Variants in FGL1 observed in about 807,000 individuals in gnomAD.
The protein encoded by FGL1 is fibrinogen-like protein 1.
Under a neutral mutation model 43.7 loss-of-function variants are expected in FGL1, and 59 were observed. The observed-to-expected ratio is 1.35, with a 90% CI of 1.10 to 1.68. The LOEUF is 1.68. FGL1 is among the 40% of genes most tolerant of loss of function. FGL1 has a pLI of 0.00. For missense variants in FGL1, 596 were observed against 373.0 expected (o/e 1.60, Z -4.92); for synonymous variants, 192 against 126.5 (o/e 1.52, Z -3.48).
At chr8:17,879,404 T>A (rs1324361080) in intron 3 of FGL1, among the ~76,000 whole-genome samples, 1 of 152,038 alleles carries the variant, frequency 6.6e-6, no homozygotes, top group African/African-American at 2.4e-5. Flanking sequence ...TGGATGTGTG[T>A]CCCCACCAAA....
intron 3 of FGL1, among the ~76,000 whole-genome samples, chr8:17,875,327 A>G (rs2085429444): frequency 6.6e-6 from 1 of 152,100 alleles, no homozygotes; most frequent in South Asian, 2.1e-4. Context: ...TTACTAACCC[A>G]CTGAAGTTTC....
chr8:17,895,035 C>A (rs1255405951), intron 1 of FGL1, among the ~76,000 whole-genome samples: 2 of 151,482 alleles, frequency 1.3e-5, no homozygotes, highest in South Asian at 2.1e-4. Context: ...ATCTCATTAC[C>A]ATTAAGATAA....
intron 5 of FGL1, among the ~76,000 whole-genome samples, chr8:17,870,676 G>C (rs35978984): frequency 2.0e-5 from 3 of 152,144 alleles, no homozygotes; most frequent in Non-Finnish European, 2.9e-5. Context: ...TCACACCCAA[G>C]TTGGGTGGAT....
chr8:17,873,388 G>C (rs1307462805), intron 5 of FGL1, among the ~76,000 whole-genome samples: 1 of 152,086 alleles, frequency 6.6e-6, no homozygotes, highest in African/African-American at 2.4e-5. Context: ...TCCCAGAGCA[G>C]CAACTTCAGT....
At position 17,882,276 on chromosome 8, in the gene FGL1, T is replaced by G; in HGVS notation, c.64-97A>C. On this transcript the variant is annotated intron_variant, in intron 2 of 7. Transcript: ENST00000427924. ...GATAAATCAGTGATTCCATTTTGTC[T>G]CCAGTTCCCATTTCAGAATATTATT... The G allele has an allele frequency of 2.7e-6, 3 of 1,122,022 alleles. No individual in the cohort carries two copies. In the East Asian group the frequency reaches 7.7e-5, roughly 29 times the overall value. 69.5% of individuals were successfully genotyped at this position (1,122,022 alleles called of 1,614,324 possible).
At chr8:17,875,360 T>A (rs1228822622) in intron 3 of FGL1, among the ~76,000 whole-genome samples, 2 of 152,214 alleles carry the variant, frequency 1.3e-5, no homozygotes, top group African/African-American at 4.8e-5. Context: ...CATTCTTAGA[T>A]GTTTTTGCTA....
At position 17,895,208 on chromosome 8, in the gene FGL1, T is replaced by C. The variant is rs1287565037; in HGVS notation, c.-18+239A>G. The C allele has an allele frequency of 6.0e-6, 5 of 827,588 alleles. No individual in the cohort carries two copies. In the African/African-American group the frequency reaches 7.4e-5, roughly 12 times the overall value. 51.3% of individuals were successfully genotyped at this position (827,588 alleles called of 1,614,324 possible). ...CTCTAAAATTTTCCATTTTCCTCATTTGTAATTCTAACATACCTTATTTGT... is the reference window on the plus strand; with the variant it reads ...CTCTAAAATTTTCCATTTTCCTCATCTGTAATTCTAACATACCTTATTTGT... On this transcript the variant is annotated intron_variant, in intron 1 of 7. Transcript: ENST00000427924.
At chr8:17,882,267 C>T (rs1489604506) in intron 2 of FGL1, 88 bp from the exon 3 acceptor site, 3 of 1,235,012 alleles carry the variant, frequency 2.4e-6, no homozygotes, top group Non-Finnish European at 3.3e-6. Context: ...TCAGTGATTC[C>T]ATTTTGTCTC....
intron 3 of FGL1, among the ~76,000 whole-genome samples, chr8:17,875,779 G>A (rs534036189): frequency 3.3e-4 from 50 of 152,028 alleles, no homozygotes; most frequent in African/African-American, 1.1e-3. Flanking sequence ...TAATTTTTTT[G>A]TATTTTTAGT....
chr8:17,868,611 C>T lies in FGL1; in HGVS notation c.716G>A (p.Arg239Lys). Residue 239 changes from arginine to lysine, a missense_variant, in exon 7 of 8, where the codon AGA (arginine) becomes AAA (lysine). Physicochemically the swap from Arg to Lys is conservative, Grantham distance 26. Transcript: ENST00000427924. ...HQRMKFSTWDRDHDNYEGNCA... is the reference protein window; with the variant it reads ...HQRMKFSTWDKDHDNYEGNCA... ...GTTCCCTTCATAGTTGTCATGATCT[C>T]TGTCCCACGTGCTGAATTTCATTCT... The T allele has an allele frequency of 6.2e-7, 1 of 1,614,148 alleles. No homozygotes were observed. The highest frequency in any genetic ancestry group is 8.5e-7 in the Non-Finnish European group (1 of 1,180,002).
intron 1 of FGL1, among the ~76,000 whole-genome samples, chr8:17,892,883 A>G (rs1333403030): frequency 1.3e-5 from 2 of 152,282 alleles, no homozygotes; most frequent in South Asian, 2.1e-4. Flanking sequence ...ACTTTATTTC[A>G]GAAGTGAATA....
intron 3 of FGL1, among the ~76,000 whole-genome samples, chr8:17,876,403 G>A (rs1425803980): frequency 1.3e-5 from 2 of 152,066 alleles, no homozygotes; most frequent in Non-Finnish European, 2.9e-5. Flanking sequence ...GCCTTCACAT[G>A]GTTGGGACCA....
intron 1 of FGL1, among the ~76,000 whole-genome samples, chr8:17,887,018 T>C (rs377411009): frequency 7.6e-4 from 116 of 152,224 alleles, no homozygotes; most frequent in African/African-American, 2.7e-3. Context: ...TTTCAGAATA[T>C]GGAAGATTTA....
chr8:17,879,898 C>T (rs2053509320), intron 3 of FGL1, among the ~76,000 whole-genome samples: 1 of 152,106 alleles, frequency 6.6e-6, no homozygotes, highest in Non-Finnish European at 1.5e-5. Context: ...GTGCCAATAA[C>T]CTGCTCAGAA....
chr8:17,869,055 GGACTACTGCGGT>G, intron 5 of FGL1, 51 bp from the exon 6 acceptor site: 1 of 1,070,794 alleles, frequency 9.3e-7, no homozygotes, highest in Non-Finnish European at 1.4e-6. Flanking sequence ...GACATGACAC[GGACTACTGCGGT>G]TTAAAAATAA....
intron 4 of FGL1, 37 bp downstream of exon 4, chr8:17,874,325 C>A (rs759329624): frequency 6.3e-7 from 1 of 1,584,114 alleles, no homozygotes; most frequent in Middle Eastern, 1.7e-4. Context: ...CTCACATTTG[C>A]TGCTACATAT....
chr8:17,885,741 G>C, intron 1 of FGL1, 170 bp from the exon 2 acceptor site: 4 of 589,598 alleles, frequency 6.8e-6, no homozygotes, highest in Non-Finnish European at 1.2e-5. Context: ...CACACAGAAT[G>C]ACACTGAGTG....
At chr8:17,874,211 T>G in intron 4 of FGL1, 95 bp from the exon 5 acceptor site, 3 of 1,353,574 alleles carry the variant, frequency 2.2e-6, no homozygotes. Context: ...CCTCCAATAT[T>G]TTCTTGATTA....
At position 17,864,654 on chromosome 8, in the gene FGL1, A is replaced by G. The variant is rs746723883; in HGVS notation, c.877T>C (p.Tyr293His). The G allele has an allele frequency of 3.7e-6, 6 of 1,613,722 alleles. No homozygotes were observed. The highest frequency in any genetic ancestry group is 4.2e-6 in the Non-Finnish European group (5 of 1,179,950). ...IVWYTWHGWW[Y>H]SLKSVVMKIR... is the part of the protein sequence containing the mutation. Reference sequence around the variant, plus strand: ...TTCATAACCACAGATTTCAGAGAATACCACCACCCATGCCAGGTGTACCAG... The same window carrying G: ...TTCATAACCACAGATTTCAGAGAATGCCACCACCCATGCCAGGTGTACCAG... The change falls in exon 8 of 8, where the codon TAT (tyrosine) becomes CAT (histidine). Residue 293 changes from tyrosine (Y) to histidine (H), a missense_variant. Transcript: ENST00000427924.
Sources: allele counts gnomAD v4.1 joint callset (sites outside exome capture counted in the v4.1 genomes callset), GRCh38; gene constraint gnomAD v4.1.1; transcripts MANE v1.5; gene names NCBI Gene and HGNC (gene_info 2026-07-23, HGNC 2026-07-21).